CNBD2: variants seen among roughly 807,000 people sequenced by gnomAD.
CNBD2 encodes the protein cyclic nucleotide-binding domain-containing protein 2.
Under a neutral mutation model 63.7 loss-of-function variants are expected in CNBD2, and 64 were observed. That is an observed-to-expected ratio of 1.00 (90% CI 0.82 to 1.24). CNBD2 has a LOEUF of 1.24. CNBD2 is among the 50% of genes most tolerant of loss of function. CNBD2 has a pLI of 0.00. For synonymous variants in CNBD2, 229 were observed against 255.4 expected (o/e 0.90, Z 0.99); for missense variants, 691 against 713.5 (o/e 0.97, Z 0.36).
At chr20:35,981,198 G>A (rs2056594933) in intron 4 of CNBD2, among the ~76,000 whole-genome samples, 2 of 152,130 alleles carry the variant, frequency 1.3e-5, no homozygotes, top group Admixed American at 6.5e-5. Context: ...ACTTGATTGT[G>A]GCTTGCCGTG....
chr20:35,984,638 T>C lies in CNBD2; in HGVS notation c.576T>C (p.Val192=), dbSNP rs764178996. 7.4e-6 allele frequency: 12 copies of C among 1,614,084 alleles called. No homozygotes were observed. The highest frequency in any genetic ancestry group is 1.7e-6 in the Non-Finnish European group (2 of 1,180,044). ...HKGSCFGEMD[V]LHASVRRSTI... Reference sequence around the variant, plus strand: ...TGTCCACCCAACAGGAAATGGACGTTCTGCATGCTTCAGTGAGGAGGTCCA... The same window carrying C: ...TGTCCACCCAACAGGAAATGGACGTCCTGCATGCTTCAGTGAGGAGGTCCA... The change falls in exon 6 of 12, where the codon GTT becomes GTC. Residue 192 remains valine, a synonymous_variant. Transcript: ENST00000373973.
upstream of CNBD2, among the ~76,000 whole-genome samples, chr20:35,964,894 G>A (rs1021704319): frequency 1.3e-5 from 2 of 151,756 alleles, no homozygotes; most frequent in Non-Finnish European, 2.9e-5. Flanking sequence ...GTAGAGACAG[G>A]GTTTCATCAT....
In CNBD2 at chr20:35,984,738, G is replaced by A. The variant is rs267605911; in HGVS notation, c.676G>A (p.Glu226Lys). 1 of 1,614,188 alleles carries A rather than the reference G, an allele frequency of 6.2e-7. No individual in the cohort carries two copies. Among genetic ancestry groups the A allele is most frequent in the African/African-American group, 1.3e-5 (1 of 75,046 alleles). Reference sequence around the variant, plus strand: ...CTTCTTTGCTAATAAGCTGGACCAGGAAGTTCAGAAGGATGCTCAGTATCG... The same window carrying A: ...CTTCTTTGCTAATAAGCTGGACCAGAAAGTTCAGAAGGATGCTCAGTATCG... ...EDFFANKLDQ[E>K]VQKDAQYRFE... Residue 226 changes from glutamate (E) to lysine (K), a missense_variant, in exon 6 of 12, where the codon GAA becomes AAA. By Grantham distance (56) the Glu-to-Lys change is moderately conservative. Coordinates refer to ENST00000373973, the MANE Select transcript of CNBD2 (RefSeq NM_001365709.1).
At chr20:36,001,520 G>A (rs547891951) in intron 8 of CNBD2, among the ~76,000 whole-genome samples, 19 of 149,754 alleles carry the variant, frequency 1.3e-4, no homozygotes, top group African/African-American at 3.4e-4. Context: ...CCTCCCGGAC[G>A]GGGCGGCCGG....
chr20:36,002,389 A>G lies in CNBD2; in HGVS notation c.971-5908A>G, dbSNP rs866133480. Among the ~76,000 whole-genome samples, 6 of 152,248 alleles carry G rather than the reference A, an allele frequency of 3.9e-5. No homozygotes were observed. The South Asian group carries it at 1.0e-3, about 26-fold the overall frequency. Reference sequence around the variant, plus strand: ...CTGGGCAGCAGAGGGAAACCGTGGAAAGAGGGAGAGGGAGAGGGAGACCGT... The same window carrying G: ...CTGGGCAGCAGAGGGAAACCGTGGAGAGAGGGAGAGGGAGAGGGAGACCGT... On this transcript the variant is annotated intron_variant, in intron 8 of 11. Transcript: ENST00000373973.
chr20:35,954,486 G>A (rs556551814), upstream of CNBD2: 9 of 1,545,114 alleles, frequency 5.8e-6, no homozygotes, highest in African/African-American at 4.1e-5. Flanking sequence ...GGAAGCGAAA[G>A]TCTCTGGCTT....
At chr20:35,967,239 CTTTTTTTTTTTT>C (rs141881380), upstream of CNBD2, among the ~76,000 whole-genome samples, 2 of 86,992 alleles carry the variant, frequency 2.3e-5, no homozygotes, top group Admixed American at 1.4e-4. Context: ...CCCCCTCCCG[CTTTTTTTTTTTT>C]TTTTTTTTTT....
At chr20:35,972,141 C>T (rs1456470507) in intron 1 of CNBD2, among the ~76,000 whole-genome samples, 1 of 152,184 alleles carries the variant, frequency 6.6e-6, no homozygotes, top group Non-Finnish European at 1.5e-5. Context: ...GGCTCACGGC[C>T]TTTTCTGCTT....
At chr20:35,962,257 CTTTTTT>C (rs917656604) in intron 2 of CNBD2, among the ~76,000 whole-genome samples, 31 of 131,536 alleles carry the variant, frequency 2.4e-4, no homozygotes, top group Admixed American at 7.9e-4. Context: ...TCCCTGCAGT[CTTTTTT>C]TTTTTTTTTT....
At chr20:35,996,650 G>A (rs1461755859) in intron 8 of CNBD2, among the ~76,000 whole-genome samples, 1 of 151,918 alleles carries the variant, frequency 6.6e-6, no homozygotes, top group Non-Finnish European at 1.5e-5. Flanking sequence ...TGGGATTACG[G>A]GCACATGCCA....
intron 8 of CNBD2, among the ~76,000 whole-genome samples, chr20:36,007,189 A>AAAATAAATAAATAAATAAATAAAT (rs553581625): frequency 2.6e-4 from 39 of 151,610 alleles, no homozygotes; most frequent in African/African-American, 9.0e-4. Flanking sequence ...AATCCTCTCA[A>AAAATAAATAAATAAATAAATAAAT]AAATAAATAA....
chr20:36,026,737 T>C (rs566835060), intron 11 of CNBD2, among the ~76,000 whole-genome samples: 4 of 152,198 alleles, frequency 2.6e-5, no homozygotes, highest in African/African-American at 9.6e-5. Context: ...TCTCTAAGAT[T>C]CATCTTCTGC....
At chr20:35,964,151 A>C (rs1348102539), upstream of CNBD2, among the ~76,000 whole-genome samples, 2 of 151,710 alleles carry the variant, frequency 1.3e-5, no homozygotes, top group African/African-American at 4.8e-5. Context: ...ATGCTCCCTG[A>C]ACAGACCCTG....
intron 4 of CNBD2, among the ~76,000 whole-genome samples, chr20:35,982,242 C>T (rs1368329662): frequency 6.6e-6 from 1 of 152,152 alleles, no homozygotes; most frequent in Non-Finnish European, 1.5e-5. Context: ...TATCGGGGCA[C>T]TTCCACAATG....
chr20:35,979,399 C>A (rs1052016566), intron 3 of CNBD2, among the ~76,000 whole-genome samples: 1 of 152,180 alleles, frequency 6.6e-6, no homozygotes, highest in Admixed American at 6.5e-5. Flanking sequence ...CCCTTGTAAC[C>A]TAATTACCTC....
intron 9 of CNBD2, among the ~76,000 whole-genome samples, chr20:36,010,669 A>G (rs569306081): frequency 8.5e-5 from 13 of 152,218 alleles, no homozygotes; most frequent in Middle Eastern, 3.4e-3. Flanking sequence ...AGGCTGAGGC[A>G]TGAGTATCAC....
At chr20:36,009,448 C>T (rs931308119) in intron 9 of CNBD2, among the ~76,000 whole-genome samples, 2 of 151,808 alleles carry the variant, frequency 1.3e-5, no homozygotes, top group Non-Finnish European at 2.9e-5. Context: ...GTGATCCGCC[C>T]ACCTCGGCCT....
chr20:35,978,958 G>T (rs1283164196), intron 3 of CNBD2, among the ~76,000 whole-genome samples: 1 of 152,180 alleles, frequency 6.6e-6, no homozygotes, highest in Non-Finnish European at 1.5e-5. Flanking sequence ...TGGAAAATAT[G>T]TGTTATTTCT....
intron 3 of CNBD2, among the ~76,000 whole-genome samples, chr20:35,978,597 G>A (rs571114046): frequency 6.6e-6 from 1 of 152,266 alleles, no homozygotes; most frequent in East Asian, 1.9e-4. Context: ...GTCCGCCTTG[G>A]CCTCCCAAAG....
Sources: allele counts gnomAD v4.1 joint callset (sites outside exome capture counted in the v4.1 genomes callset), GRCh38; gene constraint gnomAD v4.1.1; transcripts MANE v1.5; gene names NCBI Gene and HGNC (gene_info 2026-07-23, HGNC 2026-07-21).